The following PATJ variants were observed in gnomAD, a reference collection of about 807,000 sequenced individuals.
PATJ encodes the protein inaD-like protein.
A neutral mutation model predicts 224.9 loss-of-function variants in PATJ; 190 were observed. The ratio of observed to expected loss-of-function variants is 0.84; its 90% confidence interval spans 0.75 to 0.95. The LOEUF (loss-of-function observed/expected upper bound fraction) is 0.95, where lower values mean the gene tolerates loss of function less well. Among genes scored for constraint, PATJ ranks in the 40% least tolerant of loss-of-function variants. The pLI, the probability that PATJ is intolerant of heterozygous loss-of-function variation, is 0.00. For missense variants in PATJ, 2,121 were observed against 2,270.3 expected (o/e 0.93, Z 1.34); for synonymous variants, 769 against 820.3 (o/e 0.94, Z 1.07).
chr1:61,879,937 C>G (rs937050438), intron 21 of PATJ, among the ~76,000 whole-genome samples: 1 of 151,932 alleles, frequency 6.6e-6, no homozygotes, highest in Non-Finnish European at 1.5e-5. Flanking sequence ...CTCCTGAGTT[C>G]AAGCTATTCT....
intron 28 of PATJ, among the ~76,000 whole-genome samples, chr1:62,003,783 A>G (rs67526244): frequency 0.067 from 10,234 of 152,214 alleles, 785 homozygotes; most frequent in East Asian, 0.4. Flanking sequence ...TGGTTCTCCC[A>G]TCTGCAAAGT....
chr1:61,998,446 C>G (rs976914500), intron 28 of PATJ, among the ~76,000 whole-genome samples: 1 of 151,750 alleles, frequency 6.6e-6, no homozygotes, highest in African/African-American at 2.4e-5. Context: ...AGGCTAATCT[C>G]CAACTCCTGG....
At chr1:61,830,465 TG>T (rs1351796601) in intron 16 of PATJ, among the ~76,000 whole-genome samples, 4 of 87,060 alleles carry the variant, frequency 4.6e-5, no homozygotes, top group Non-Finnish European at 1.1e-4. Context: ...GCTATTTCTG[TG>T]ACATTTTTCA....
chr1:62,073,137 G>T, intron 31 of PATJ: 1 of 985,300 alleles, frequency 1.0e-6, no homozygotes, highest in Non-Finnish European at 1.2e-6. Flanking sequence ...CTGGGGTTGC[G>T]TGCGTTATAG....
chr1:62,063,500 G>A (rs1037119741), intron 31 of PATJ, among the ~76,000 whole-genome samples: 3 of 151,742 alleles, frequency 2.0e-5, no homozygotes, highest in African/African-American at 7.3e-5. Flanking sequence ...CCCTTTTTTG[G>A]TGCCATACAG....
chr1:62,144,372 T>C (rs1667803132), intron 41 of PATJ, among the ~76,000 whole-genome samples: 2 of 152,188 alleles, frequency 1.3e-5, no homozygotes, highest in South Asian at 4.1e-4. Context: ...TTTCTTTCTT[T>C]TTCTGCTCTA....
rs1343353743 is a variant in PATJ, at chr1:62,161,732, C to T, written c.*678C>T. 4 of 152,228 alleles carry T rather than the reference C, an allele frequency of 2.6e-5. No individual in the cohort carries two copies. Among genetic ancestry groups the T allele is most frequent in the Admixed American group, 6.5e-5 (1 of 15,276 alleles). The allele number at this position is 152,228 out of a possible 1,614,324, so 9.4% of individuals were successfully genotyped here. On this transcript the variant is annotated 3_prime_UTR_variant, in exon 44 of 44. Transcript: ENST00000642238. ...TATACTCTTCTCTCCCTATCCCCTA[C>T]TCACACCGAGGCTTAACAGCAACCT...
intron 29 of PATJ, among the ~76,000 whole-genome samples, chr1:62,025,909 A>G (rs1647793042): frequency 6.6e-6 from 1 of 152,276 alleles, no homozygotes; most frequent in Non-Finnish European, 1.5e-5. Flanking sequence ...AGTTCCCCAC[A>G]TCAACTCCCC....
chr1:62,009,838 A>C (rs1276744660), intron 28 of PATJ, among the ~76,000 whole-genome samples: 2 of 151,948 alleles, frequency 1.3e-5, no homozygotes, highest in African/African-American at 4.8e-5. Flanking sequence ...TAATCCCAGC[A>C]CTTTGGGAGG....
At chr1:61,759,921 A>G (rs1645868964) in intron 1 of PATJ, among the ~76,000 whole-genome samples, 1 of 152,220 alleles carries the variant, frequency 6.6e-6, no homozygotes, top group Admixed American at 6.5e-5. Context: ...TTTGGAGTAT[A>G]AACTATTATT....
intron 31 of PATJ, among the ~76,000 whole-genome samples, chr1:62,076,786 A>G (rs1658374007): frequency 6.6e-6 from 1 of 152,188 alleles, no homozygotes; most frequent in Non-Finnish European, 1.5e-5. Context: ...GTGATTTTTC[A>G]TAAAAGAACT....
intron 17 of PATJ, among the ~76,000 whole-genome samples, chr1:61,845,244 A>G (rs1474918289): frequency 6.6e-6 from 1 of 152,160 alleles, no homozygotes; most frequent in Non-Finnish European, 1.5e-5. Context: ...TGTTTTATGG[A>G]TAAGGAAAAC....
At chr1:61,769,155 A>G in intron 4 of PATJ, 128 bp from the exon 5 acceptor site, 1 of 778,376 alleles carries the variant, frequency 1.3e-6, no homozygotes, top group Non-Finnish European at 2.0e-6. Context: ...ATAATTTATT[A>G]CTGAAATGCT....
chr1:61,910,368 A>G (rs967081858), intron 25 of PATJ, among the ~76,000 whole-genome samples: 20 of 152,112 alleles, frequency 1.3e-4, no homozygotes, highest in Admixed American at 1.2e-3. Flanking sequence ...GCCATGCTCA[A>G]GTTACTTATT....
At chr1:62,008,447 T>C (rs1340238037) in intron 28 of PATJ, among the ~76,000 whole-genome samples, 1 of 152,188 alleles carries the variant, frequency 6.6e-6, no homozygotes, top group South Asian at 2.1e-4. Flanking sequence ...GAAAAAGATA[T>C]AATTTATCAT....
intron 35 of PATJ, among the ~76,000 whole-genome samples, chr1:62,115,872 AT>A (rs1007635825): frequency 2.4e-4 from 36 of 150,726 alleles, no homozygotes; most frequent in African/African-American, 8.3e-4. Context: ...TCATAATTTC[AT>A]TTTTTTTTAC....
intron 3 of PATJ, among the ~76,000 whole-genome samples, chr1:61,765,090 T>TTTC (rs1557601699): frequency 1.0e-4 from 13 of 126,640 alleles, no homozygotes; most frequent in Non-Finnish European, 1.8e-4. Context: ...TTTTTTTTTT[T>TTTC]TTTTTTTTTG....
rs568357164 is a variant in PATJ, at chr1:61,774,290, A to AAAAG, written c.721-900_721-897dup. On this transcript the variant is annotated intron_variant, in intron 6 of 43. Coordinates refer to ENST00000642238, the MANE Select transcript of PATJ (RefSeq NM_001350145.3). ...GGTAACAGAGTGAGACCCTGTCTCA[A>AAAAG]AAAGAAAGAAAGAAAGAAAAACTAA... Among the ~76,000 whole-genome samples the AAAAG allele has an allele frequency of 4.2e-3, 637 of 152,138 alleles. 8 individuals are homozygous for AAAAG. The highest frequency in any genetic ancestry group is 0.015 in the African/African-American group (608 of 41,494).
chr1:61,748,536 G>A (rs1168328411), intron 1 of PATJ, among the ~76,000 whole-genome samples: 2 of 151,992 alleles, frequency 1.3e-5, no homozygotes, highest in Non-Finnish European at 2.9e-5. Context: ...GATTACAGGC[G>A]TGAGCCACTG....
Sources: gnomAD v4.1 joint callset for allele counts (sites outside exome capture counted in the v4.1 genomes callset) on GRCh38, gnomAD v4.1.1 for gene constraint, MANE v1.5 for transcripts, NCBI Gene and HGNC (gene_info 2026-07-23, HGNC 2026-07-21) for gene names.